LARP4B: variants seen among roughly 807,000 people sequenced by gnomAD.
The protein encoded by LARP4B is La ribonucleoprotein 4B, also known as la-related protein 4B.
LARP4B carries 12 observed loss-of-function variants against 89.8 expected under a neutral mutation model. The ratio of observed to expected loss-of-function variants is 0.13; its 90% CI spans 0.09 to 0.22. The LOEUF (loss-of-function observed/expected upper bound fraction) is 0.22, where lower values mean the gene tolerates loss of function less well. Ranked by LOEUF, LARP4B falls within the 10% of genes least tolerant of loss-of-function variation. The pLI, the probability that LARP4B is intolerant of heterozygous loss-of-function variation, is 1.00. For synonymous variants in LARP4B, 367 were observed against 363.3 expected (o/e 1.01, Z -0.12); for missense variants, 757 against 947.7 (o/e 0.80, Z 2.64).
intron 3 of LARP4B, among the ~76,000 whole-genome samples, chr10:866,040 C>A (rs547121692): frequency 6.6e-6 from 1 of 152,322 alleles, no homozygotes; most frequent in East Asian, 1.9e-4. Context: ...CACATTGGCT[C>A]AGGTGATGGG....
chr10:836,776 T>C (rs1036537683), intron 7 of LARP4B, among the ~76,000 whole-genome samples: 1 of 152,204 alleles, frequency 6.6e-6, no homozygotes, highest in Non-Finnish European at 1.5e-5. Context: ...TTAACGGCTT[T>C]CTCCTTTCCA....
At chr10:808,969 G>T (rs1831643896), downstream of LARP4B, 1 of 152,156 alleles carries the variant, frequency 6.6e-6, no homozygotes, top group Non-Finnish European at 1.5e-5. Context: ...TATGACAAAG[G>T]ATTAATAGCC....
chr10:967,517 A>G, the LARP4B span, among the ~76,000 whole-genome samples: 4 of 152,220 alleles, frequency 2.6e-5, no homozygotes, highest in African/African-American at 9.6e-5. Flanking sequence ...TGGTTCAGTG[A>G]GGAGCTAAAA....
intron 1 of LARP4B, among the ~76,000 whole-genome samples, chr10:928,643 A>G (rs1837220343): frequency 6.6e-6 from 1 of 152,170 alleles, no homozygotes; most frequent in Non-Finnish European, 1.5e-5. Flanking sequence ...GTGCAGTGGC[A>G]GGATCATGGC....
chr10:869,512 T>G (rs751616844), intron 3 of LARP4B, among the ~76,000 whole-genome samples: 1 of 152,224 alleles, frequency 6.6e-6, no homozygotes, highest in Non-Finnish European at 1.5e-5. Context: ...ATCATTAATG[T>G]TATAGTAATT....
intron 14 of LARP4B, chr10:818,744 A>AT (rs1156316925): frequency 6.6e-6 from 1 of 152,276 alleles, no homozygotes; most frequent in Non-Finnish European, 1.5e-5. Context: ...TATATTAACT[A>AT]AAGAATACAA....
At chr10:840,378 GA>G (rs1339810059) in intron 7 of LARP4B, among the ~76,000 whole-genome samples, 2 of 152,094 alleles carry the variant, frequency 1.3e-5, no homozygotes, top group African/African-American at 4.8e-5. Flanking sequence ...GTGCTCCTCT[GA>G]ACCCACAAAA....
At chr10:930,885 C>G (rs1312505724) in intron 1 of LARP4B, among the ~76,000 whole-genome samples, 2 of 151,632 alleles carry the variant, frequency 1.3e-5, no homozygotes. Flanking sequence ...CCGGCGGGAC[C>G]GAGGAGCGAG....
the LARP4B span, among the ~76,000 whole-genome samples, chr10:945,547 G>A: frequency 6.6e-6 from 1 of 151,972 alleles, no homozygotes; most frequent in Non-Finnish European, 1.5e-5. Flanking sequence ...AATTAGCCGG[G>A]CATGGTGGCG....
intron 13 of LARP4B, among the ~76,000 whole-genome samples, chr10:821,596 A>T (rs1832354967): frequency 6.6e-6 from 1 of 152,158 alleles, no homozygotes. Context: ...CATTCATCTC[A>T]ATGGATAATT....
At chr10:849,671 G>T (rs1434186229) in intron 5 of LARP4B, among the ~76,000 whole-genome samples, 2 of 152,180 alleles carry the variant, frequency 1.3e-5, no homozygotes, top group African/African-American at 4.8e-5. Flanking sequence ...AATGGGGAGG[G>T]AAAGGGTAAC....
At chr10:873,085 C>G (rs763652651) in intron 3 of LARP4B, 33 of 985,194 alleles carry the variant, frequency 3.3e-5, no homozygotes, top group Non-Finnish European at 4.0e-5. Flanking sequence ...ATTTTTGTAA[C>G]AGGCCAGTTT....
rs1398414719 is a variant in LARP4B, at chr10:867,502, CCTA to C, written c.142-3235_142-3233del. Among the ~76,000 whole-genome samples the C allele has an allele frequency of 2.0e-5, 3 of 152,272 alleles. No homozygotes were observed. The East Asian group carries it at 5.8e-4, about 29-fold the overall frequency. The stretch of plus-strand genomic sequence containing the variant: ...TTGTATTAAACAAAGATCTGAATCT[CCTA>C]CTATTTCTATAAAATATGGTTATTC... On this transcript the variant is annotated intron_variant, in intron 3 of 17. Transcript: ENST00000316157.
chr10:883,790 G>A (rs1157129314), intron 3 of LARP4B, among the ~76,000 whole-genome samples: 2 of 150,670 alleles, frequency 1.3e-5, no homozygotes, highest in African/African-American at 4.9e-5. Flanking sequence ...AAAAACAATT[G>A]GATTAACAAT....
chr10:894,380 G>A (rs895149648), intron 1 of LARP4B, among the ~76,000 whole-genome samples: 1 of 152,144 alleles, frequency 6.6e-6, no homozygotes, highest in Non-Finnish European at 1.5e-5. Flanking sequence ...CAAGAAAGAC[G>A]ACCTCATTTC....
At chr10:889,494 G>C (rs1169500404) in intron 1 of LARP4B, among the ~76,000 whole-genome samples, 3 of 152,220 alleles carry the variant, frequency 2.0e-5, no homozygotes, top group Admixed American at 6.5e-5. Context: ...CGCAGACATG[G>C]AGAGAACGTG....
chr10:831,793 G>T (rs557000146), intron 8 of LARP4B, among the ~76,000 whole-genome samples: 1 of 152,052 alleles, frequency 6.6e-6, no homozygotes, highest in Non-Finnish European at 1.5e-5. Flanking sequence ...CAAAGCTCAA[G>T]AATATTTATT....
At chr10:956,758 C>T in the LARP4B span, among the ~76,000 whole-genome samples, 3 of 152,158 alleles carry the variant, frequency 2.0e-5, no homozygotes, top group Non-Finnish European at 2.9e-5. The surrounding 1 kb of genome is among the most constrained non-coding windows in gnomAD (Gnocchi z 4.3). Context: ...CCAGGGCTCC[C>T]ACACCTGTTG....
chr10:982,578 T>C, the LARP4B span, among the ~76,000 whole-genome samples: 1 of 152,348 alleles, frequency 6.6e-6, no homozygotes, highest in East Asian at 1.9e-4. Flanking sequence ...TATGAAATCA[T>C]GAAGTTTTTA....
Sources: gnomAD v4.1 joint callset for allele counts (sites outside exome capture counted in the v4.1 genomes callset) on GRCh38, gnomAD v4.1.1 for gene constraint, Gnocchi (gnomAD v3.1) non-coding constraint, MANE v1.5 for transcripts, NCBI Gene and HGNC (gene_info 2026-07-23, HGNC 2026-07-21) for gene names.